The following PLD1 variants were observed in gnomAD, a reference collection of about 807,000 sequenced individuals.
PLD1 encodes choline phosphatase 1.
Under a neutral mutation model 137.1 loss-of-function variants are expected in PLD1, and 112 were observed. The observed-to-expected ratio is 0.82, with a 90% CI of 0.70 to 0.96. PLD1 has a LOEUF of 0.96. Ranked by LOEUF, PLD1 falls within the 40% of genes least tolerant of loss-of-function variation. The pLI, the probability that PLD1 is intolerant of heterozygous loss-of-function variation, is 0.00. For synonymous variants in PLD1, 431 were observed against 454.7 expected (o/e 0.95, Z 0.66); for missense variants, 1,321 against 1,342.0 (o/e 0.98, Z 0.24).
chr3:171,770,813 C>T (rs1043044307), intron 1 of PLD1, among the ~76,000 whole-genome samples: 6 of 144,374 alleles, frequency 4.2e-5, no homozygotes, highest in Non-Finnish European at 7.5e-5. Context: ...CGCTTGAGCC[C>T]AAGAGGTTGA....
At chr3:171,669,512 C>T (rs1045323126) in intron 19 of PLD1, among the ~76,000 whole-genome samples, 6 of 152,228 alleles carry the variant, frequency 3.9e-5, no homozygotes, top group Admixed American at 1.3e-4. Flanking sequence ...AGCGATTCTC[C>T]TGCCTCAGCC....
At chr3:171,679,976 A>T (rs1033868429) in intron 16 of PLD1, among the ~76,000 whole-genome samples, 4 of 152,100 alleles carry the variant, frequency 2.6e-5, no homozygotes, top group African/African-American at 9.7e-5. Flanking sequence ...GTCTTTTGGC[A>T]CAGATTTGTC....
intron 4 of PLD1, 94 bp from the exon 5 acceptor site, chr3:171,735,064 G>C (rs1719249212): frequency 1.4e-6 from 1 of 713,190 alleles, no homozygotes; most frequent in East Asian, 2.5e-5. Context: ...ATTTTTAAGA[G>C]ACTATTTAAT....
intron 13 of PLD1, among the ~76,000 whole-genome samples, chr3:171,689,778 A>G (rs1210324726): frequency 1.3e-5 from 2 of 152,198 alleles, no homozygotes; most frequent in Non-Finnish European, 2.9e-5. Context: ...CTGGGACTAC[A>G]TGCATGAGCC....
At position 171,605,381 on chromosome 3, in the gene PLD1, T is replaced by C; in HGVS notation, c.2918A>G (p.Asp973Gly). The C allele has an allele frequency of 1.2e-6, 2 of 1,613,752 alleles. No homozygotes were observed. The highest frequency in any genetic ancestry group is 1.7e-6 in the Non-Finnish European group (2 of 1,179,664). The change falls in exon 26 of 27, where the codon GAC becomes GGC. Residue 973 changes from aspartate (D) to glycine (G), a missense_variant. By Grantham distance (94) the Asp-to-Gly change is moderately conservative. Transcript: ENST00000351298. ...VLGYLDDPSE[D>G]IQDPVSDKFF... Reference sequence around the variant, plus strand: ...TTTGTCACTCACTGGATCCTGAATGTCCTCACTTGGGTCATCAAGATAGCC... The same window carrying C: ...TTTGTCACTCACTGGATCCTGAATGCCCTCACTTGGGTCATCAAGATAGCC...
At chr3:171,792,430 G>A (rs745574242) in intron 1 of PLD1, 2 of 366,414 alleles carry the variant, frequency 5.5e-6, no homozygotes, top group Non-Finnish European at 5.4e-6. Flanking sequence ...TTCTGGGAAT[G>A]CAGATGGATC....
chr3:171,775,618 G>A (rs773305843), intron 1 of PLD1, among the ~76,000 whole-genome samples: 25 of 152,140 alleles, frequency 1.6e-4, no homozygotes, highest in African/African-American at 6.0e-4. Flanking sequence ...TGAGAGGGGC[G>A]GATCACCTGA....
intron 1 of PLD1, among the ~76,000 whole-genome samples, chr3:171,761,313 A>G (rs1045746312): frequency 2.0e-5 from 3 of 152,182 alleles, no homozygotes; most frequent in African/African-American, 7.2e-5. Context: ...AACAGTTAAA[A>G]GGCCTTTGAA....
intron 19 of PLD1, among the ~76,000 whole-genome samples, chr3:171,671,523 T>G (rs1041139262): frequency 6.6e-6 from 1 of 152,232 alleles, no homozygotes; most frequent in African/African-American, 2.4e-5. Context: ...ATGTCAGAAT[T>G]ACTGTAATAG....
At chr3:171,793,952 TG>T (rs1202969623) in intron 1 of PLD1, 1 of 152,204 alleles carries the variant, frequency 6.6e-6, no homozygotes, top group Non-Finnish European at 1.5e-5. Context: ...GAGACCAGCC[TG>T]GCCAACATGG....
At chr3:171,689,162 A>G (rs1355934119) in intron 13 of PLD1, among the ~76,000 whole-genome samples, 1 of 151,988 alleles carries the variant, frequency 6.6e-6, no homozygotes, top group East Asian at 1.9e-4. Context: ...AGTCAGCTCA[A>G]TTTGAAAGCT....
At chr3:171,678,340 C>T (rs150984715) in intron 16 of PLD1, among the ~76,000 whole-genome samples, 3 of 152,226 alleles carry the variant, frequency 2.0e-5, no homozygotes, top group East Asian at 1.9e-4. Context: ...AAATCTGTTG[C>T]GCTTTAACAT....
intron 23 of PLD1, among the ~76,000 whole-genome samples, chr3:171,626,593 A>G (rs1369641942): frequency 6.6e-6 from 1 of 152,152 alleles, no homozygotes; most frequent in Non-Finnish European, 1.5e-5. Context: ...TGTTAAGGGC[A>G]GCCAGAGAGA....
chr3:171,634,358 T>C (rs1289575520), intron 23 of PLD1, among the ~76,000 whole-genome samples: 1 of 152,166 alleles, frequency 6.6e-6, no homozygotes, highest in Non-Finnish European at 1.5e-5. Flanking sequence ...TTGCCCTATA[T>C]CCTCACCTGC....
intron 1 of PLD1, among the ~76,000 whole-genome samples, chr3:171,764,711 C>G (rs1721685124): frequency 6.6e-6 from 1 of 151,512 alleles, no homozygotes; most frequent in African/African-American, 2.4e-5. Context: ...GTAACCAGGT[C>G]ATGTTTGTCT....
Position 171,735,529 on chromosome 3 carries a change from ACTTGAGC to A in PLD1, c.390_396del (p.Leu131ThrfsTer38). The stretch of plus-strand genomic sequence containing the variant: ...ATGGGGATGCGGATAAAGGCTTTGT[ACTTGAGC>A]AGCTCTCTGTGAAATTCTTGAAAAT... On this transcript the variant is annotated frameshift_variant, in exon 4 of 27. Coordinates refer to ENST00000351298, the MANE Select transcript of PLD1 (RefSeq NM_002662.5). LOFTEE classifies it high-confidence loss of function. 1 of 1,613,548 alleles carries A rather than the reference ACTTGAGC, an allele frequency of 6.2e-7. No homozygotes were observed. Among genetic ancestry groups the A allele is most frequent in the Non-Finnish European group, 8.5e-7 (1 of 1,179,418 alleles).
chr3:171,681,003 C>T (rs1342634766), intron 16 of PLD1, among the ~76,000 whole-genome samples: 2 of 152,200 alleles, frequency 1.3e-5, no homozygotes. Flanking sequence ...GGAAGAGGTG[C>T]AATGTCTCAG....
chr3:171,682,166 A>AAGAAAG (rs1553819289), intron 16 of PLD1, among the ~76,000 whole-genome samples: 23 of 29,474 alleles, frequency 7.8e-4, no homozygotes, highest in African/African-American at 2.3e-3. Context: ...GAAAGAAAGA[A>AAGAAAG]AAAGAAAGAA....
intron 13 of PLD1, among the ~76,000 whole-genome samples, chr3:171,689,286 ATCAG>A (rs1438612595): frequency 2.0e-5 from 3 of 152,182 alleles, no homozygotes; most frequent in Non-Finnish European, 4.4e-5. Context: ...TTGATATTTT[ATCAG>A]TCATTGAATT....
Sources: allele counts gnomAD v4.1 joint callset (sites outside exome capture counted in the v4.1 genomes callset), GRCh38; gene constraint gnomAD v4.1.1; transcripts MANE v1.5; gene names NCBI Gene and HGNC (gene_info 2026-07-23, HGNC 2026-07-21).